Variants in FADS6 observed in about 807,000 individuals in gnomAD.
The protein encoded by FADS6 is fatty acid desaturase 6.
In FADS6, 28 loss-of-function variants were observed where a neutral mutation model predicts 31.7. The observed-to-expected ratio is 0.88, with a 90% CI of 0.66 to 1.21. The LOEUF is 1.21. Ranked by LOEUF, FADS6 falls within the 50% of genes most tolerant of loss-of-function variation. The pLI is 0.00. For missense variants in FADS6, 494 were observed against 504.2 expected (o/e 0.98, Z 0.19); for synonymous variants, 191 against 213.1 (o/e 0.90, Z 0.90).
rs544868104 is a variant in FADS6, at chr17:74,891,079, C to T, written c.411+1444G>A. On this transcript the variant is annotated intron_variant, in intron 2 of 5. Transcript: ENST00000612771. ...CTCCTCATCCTCAGCTGCCTCTAGG[C>T]TCCTGGTACTCAGTACAGCTTTTTT... 3.3e-5 allele frequency among the ~76,000 whole-genome samples: 5 copies of T among 151,798 alleles called. No individual in the cohort carries two copies. The East Asian group carries it at 7.7e-4, about 23-fold the overall frequency.
In FADS6 at chr17:74,892,572, AG is replaced by A; in HGVS notation, c.361del (p.Leu121SerfsTer80). 6.2e-7 allele frequency: 1 copy of A among 1,613,486 alleles called. No individual in the cohort carries two copies. On this transcript the variant is annotated frameshift_variant, in exon 2 of 6. Transcript: ENST00000612771. LOFTEE classifies it high-confidence loss of function. The stretch of plus-strand genomic sequence containing the variant: ...CTTGCTCCAGCGTTTGGACTCGGTG[AG>A]GGCCCCATGAGTGGCCAGGTGGCTG... ...KGSHLATHGA[L>X]TESKRWSKIW... is the part of the protein sequence containing the mutation.
chr17:74,881,032 T>C, intron 4 of FADS6, 36 bp downstream of exon 4: 2 of 1,587,114 alleles, frequency 1.3e-6, no homozygotes, highest in Non-Finnish European at 1.7e-6. Context: ...AATGCTCCCC[T>C]TAGCTGCCCA....
At chr17:74,881,047 C>A (rs1161527880) in intron 4 of FADS6, 21 bp downstream of exon 4, 1 of 1,604,776 alleles carries the variant, frequency 6.2e-7, no homozygotes, top group African/African-American at 1.3e-5. Flanking sequence ...TGCCCAGCGC[C>A]CCAGGTTGGG....
chr17:74,888,160 G>GGGCA (rs2038648803), intron 2 of FADS6, among the ~76,000 whole-genome samples: 5 of 109,078 alleles, frequency 4.6e-5, no homozygotes, highest in South Asian at 2.5e-4. Context: ...ACACACGCGC[G>GGGCA]CGCGCGCGCG....
In FADS6 at chr17:74,881,083, G is replaced by C. The variant is rs191541307; in HGVS notation, c.765C>G (p.His255Gln). The C allele has an allele frequency of 3.1e-6, 5 of 1,613,172 alleles. No homozygotes were observed. The highest frequency in any genetic ancestry group is 4.2e-6 in the Non-Finnish European group (5 of 1,179,586). The change falls in exon 4 of 6, where the codon CAC (histidine) becomes CAG (glutamine). Residue 255 changes from histidine (H) to glutamine (Q), a missense_variant. This residue lies in a region of FADS6 where 454 missense variants were observed against 438.5 expected (regional missense o/e 1.04). Transcript: ENST00000612771. Reference protein sequence around the residue: ...TRSLLAHPYLHVNIFQHIGLP... With the variant: ...TRSLLAHPYLQVNIFQHIGLP... ...GTGGCCTCACCTGGAAGATGTTGAC[G>C]TGGAGGTAGGGGTGGGCCAACAGGG... is the stretch of plus-strand genomic sequence containing the variant.
intron 2 of FADS6, among the ~76,000 whole-genome samples, chr17:74,890,842 G>A (rs2038681489): frequency 6.6e-6 from 1 of 152,126 alleles, no homozygotes; most frequent in Non-Finnish European, 1.5e-5. Flanking sequence ...GCATTCATTT[G>A]GCACACATGA....
Position 74,878,465 on chromosome 17 carries a change from C to T in FADS6, c.973G>A (p.Val325Met), listed in dbSNP as rs973672356. The T allele has an allele frequency of 1.2e-5, 20 of 1,613,906 alleles. No homozygotes were observed. Among genetic ancestry groups the T allele is most frequent in the Non-Finnish European group, 1.7e-5 (20 of 1,179,816 alleles). ...TGCTTCTCACGTAGGAACTGGGACACCACGGGCTTCACCTGGTGGAAGATG... is the reference window on the plus strand; with the variant it reads ...TGCTTCTCACGTAGGAACTGGGACATCACGGGCTTCACCTGGTGGAAGATG... ...DNMCLKVKPV[V>M]SQFLREKQLP... Residue 325 changes from valine (V) to methionine (M), a missense_variant, in exon 6 of 6, where the codon GTG (valine) becomes ATG (methionine). This residue lies in a region of FADS6 where 454 missense variants were observed against 438.5 expected (regional missense o/e 1.04). Coordinates refer to ENST00000612771, the MANE Select transcript of FADS6 (RefSeq NM_178128.6).
chr17:74,875,358 T>A (rs773946661), downstream of FADS6, among the ~76,000 whole-genome samples: 4 of 152,242 alleles, frequency 2.6e-5, no homozygotes, highest in Non-Finnish European at 4.4e-5. Context: ...ACCTCCCATA[T>A]GTCTCTGTAG....
chr17:74,886,128 AC>A (rs2038619375), intron 2 of FADS6, among the ~76,000 whole-genome samples: 1 of 152,124 alleles, frequency 6.6e-6, no homozygotes, highest in Admixed American at 6.5e-5. Context: ...AGTCCCAGCT[AC>A]TTGGGAGGCT....
Position 74,879,425 on chromosome 17 carries a change from G to A in FADS6, c.939C>T (p.Leu313=). The A allele has an allele frequency of 6.2e-7, 1 of 1,613,910 alleles. No homozygotes were observed. Among genetic ancestry groups the A allele is most frequent in the Non-Finnish European group, 8.5e-7 (1 of 1,179,864 alleles). The change falls in exon 5 of 6, where the codon CTC becomes CTT. Residue 313 remains leucine, a synonymous_variant. Transcript: ENST00000612771. ...CHVEHHLFPR[L]SDNMCLKVKP... ...CTACCTTCAGGCACATGTTATCAGA[G>A]AGCCTGGGGAATAGATGGTGTTCCA...
At chr17:74,881,317 C>T in intron 3 of FADS6, 62 bp from the exon 4 acceptor site, 2 of 1,478,484 alleles carry the variant, frequency 1.4e-6, no homozygotes, top group Non-Finnish European at 1.8e-6. Flanking sequence ...CCTGCTGGCT[C>T]AAGCGTGCTA....
rs766420505 is a variant in FADS6 at position 74,881,090 on chromosome 17, T to C, written c.758A>G (p.Tyr253Cys). 1.7e-5 allele frequency: 28 copies of C among 1,612,622 alleles called. No homozygotes were observed. The highest frequency in any genetic ancestry group is 2.3e-5 in the Non-Finnish European group (27 of 1,179,448). Residue 253 changes from tyrosine (Y) to cysteine (C), a missense_variant, in exon 4 of 6, where the codon TAC becomes TGC. Physicochemically the swap from Tyr to Cys is radical, Grantham distance 194. Coordinates refer to ENST00000612771, the MANE Select transcript of FADS6 (RefSeq NM_178128.6). ...FLTRSLLAHP[Y>C]LHVNIFQHIG... The stretch of plus-strand genomic sequence containing the variant: ...CACCTGGAAGATGTTGACGTGGAGG[T>C]AGGGGTGGGCCAACAGGGATCTGGT...
At chr17:74,893,325 G>C in intron 1 of FADS6, 27 bp downstream of exon 1, 1 of 1,501,208 alleles carries the variant, frequency 6.7e-7, no homozygotes, top group Non-Finnish European at 8.8e-7. Flanking sequence ...CAGCCCGGCC[G>C]GGACGCCGGG....
Position 74,878,175 on chromosome 17 carries a change from AC to A in FADS6, c.*155del. 7.0e-7 allele frequency: 1 copy of A among 1,423,512 alleles called. No individual in the cohort carries two copies. The highest frequency in any genetic ancestry group is 1.5e-5 in the South Asian group (1 of 65,322). The allele number at this position is 1,423,512 out of a possible 1,614,324, so 88.2% of individuals were successfully genotyped here. On this transcript the variant is annotated 3_prime_UTR_variant, in exon 6 of 6. Coordinates refer to ENST00000612771, the MANE Select transcript of FADS6 (RefSeq NM_178128.6). ...AGCACGCAAGGCAGGTGGCCCCCAG[AC>A]CCCAGGCCTGAGCTCCCCTGCCCCC... is the stretch of plus-strand genomic sequence containing the variant.
intron 2 of FADS6, among the ~76,000 whole-genome samples, chr17:74,889,047 C>T (rs765190934): frequency 1.3e-5 from 2 of 152,170 alleles, no homozygotes; most frequent in Non-Finnish European, 2.9e-5. Flanking sequence ...CTATGTGGAA[C>T]ACAAATGGGT....
In FADS6 at chr17:74,878,070, T is replaced by C; in HGVS notation, c.*261A>G. 1 of 1,282,272 alleles carries C rather than the reference T, an allele frequency of 7.8e-7. No individual in the cohort carries two copies. Among genetic ancestry groups the C allele is most frequent in the Non-Finnish European group, 9.9e-7 (1 of 1,011,500 alleles). 79.4% of individuals were successfully genotyped at this position (1,282,272 alleles called of 1,614,324 possible). A position where few individuals can be genotyped will look rare whatever the true frequency, so the allele number is the denominator to read the frequency against. Reference sequence around the variant, plus strand: ...AGGACCCAGCTCTTTAGTCCTGAGATGAAGTTGCTGAGGTCCAGACTGACC... The same window carrying C: ...AGGACCCAGCTCTTTAGTCCTGAGACGAAGTTGCTGAGGTCCAGACTGACC... On this transcript the variant is annotated 3_prime_UTR_variant, in exon 6 of 6. Transcript: ENST00000612771.
rs759172314 is a variant in FADS6, at chr17:74,881,058, G to A, written c.780+10C>T. 1.9e-6 allele frequency: 3 copies of A among 1,609,336 alleles called. No individual in the cohort carries two copies. The highest frequency in any genetic ancestry group is 2.5e-6 in the Non-Finnish European group (3 of 1,177,662). On this transcript the variant is annotated intron_variant, in intron 4 of 5. Transcript: ENST00000612771. The stretch of plus-strand genomic sequence containing the variant: ...TAGCTGCCCAGCGCCCCAGGTTGGG[G>A]TGGCCTCACCTGGAAGATGTTGACG...
In FADS6 at chr17:74,888,144, ACACACACACACGCGCGCGCG is replaced by A. The variant is rs1268385248; in HGVS notation, c.411+4359_411+4378del. On this transcript the variant is annotated intron_variant, in intron 2 of 5. Transcript: ENST00000612771. ...TGAGACACCACACACACACACACACACACACACACACGCGCGCGCGCGCGCGCGCAGAGTACCAATGTCCG... is the reference window on the plus strand; with the variant it reads ...TGAGACACCACACACACACACACACACGCGCGCGCAGAGTACCAATGTCCG... Among the ~76,000 whole-genome samples, 44 of 113,850 alleles carry A rather than the reference ACACACACACACGCGCGCGCG, an allele frequency of 3.9e-4. 1 individual carries two copies. The highest frequency in any genetic ancestry group is 4.6e-4 in the Admixed American group (5 of 10,982). 74.7% of individuals were successfully genotyped at this position (113,850 alleles called of 152,430 possible).
chr17:74,886,238 CA>C (rs550950451), intron 2 of FADS6, among the ~76,000 whole-genome samples: 759 of 42,140 alleles, frequency 0.018, 4 homozygotes, highest in African/African-American at 0.045. Context: ...GATTCCATCT[CA>C]AAAAAAAAAA....
Sources: allele counts gnomAD v4.1 joint callset (sites outside exome capture counted in the v4.1 genomes callset), GRCh38; gene constraint gnomAD v4.1.1; regional missense constraint gnomAD v4.1.1; transcripts MANE v1.5; gene names NCBI Gene and HGNC (gene_info 2026-07-23, HGNC 2026-07-21).